Variants in TMEM132B observed in about 807,000 individuals in gnomAD.
The protein encoded by TMEM132B is transmembrane protein 132B.
A neutral mutation model predicts 90.8 loss-of-function variants in TMEM132B; 18 were observed. That is an observed-to-expected ratio of 0.20 (90% confidence interval 0.14 to 0.29). The LOEUF (loss-of-function observed/expected upper bound fraction) is 0.29. Ranked by LOEUF, TMEM132B falls within the 10% of genes least tolerant of loss-of-function variation. The pLI is 1.00. For synonymous variants in TMEM132B, 504 were observed against 523.3 expected, an observed-to-expected ratio of 0.96 and a Z score of 0.50; for missense variants, 1,096 against 1,326.8, an observed-to-expected ratio of 0.83 and a Z score of 2.70.
At chr12:125,386,374 G>T (rs1878833453) in intron 2 of TMEM132B, among the ~76,000 whole-genome samples, 1 of 152,226 alleles carries the variant, frequency 6.6e-6, no homozygotes, top group African/African-American at 2.4e-5. Flanking sequence ...GAGAAAAAGT[G>T]CCTGGTTACG....
chr12:125,483,797 C>T (rs1217589945), intron 3 of TMEM132B, among the ~76,000 whole-genome samples: 4 of 152,116 alleles, frequency 2.6e-5, no homozygotes, highest in Non-Finnish European at 4.4e-5. Flanking sequence ...AATATTGACT[C>T]GTTTCTCAAT....
At chr12:125,195,334 G>A (rs1282878985) in intron 1 of TMEM132B, among the ~76,000 whole-genome samples, 1 of 151,504 alleles carries the variant, frequency 6.6e-6, no homozygotes, top group Non-Finnish European at 1.5e-5. Context: ...CTGGTGGTCT[G>A]TGCTGTGGAG....
Position 125,407,159 on chromosome 12 carries a change from A to G in TMEM132B, c.960-8372A>G, listed in dbSNP as rs1426908250. ...GGCCCAAGCCTCCCTACTATAAATCATATTGAAGCACAGATTATCTGGCAT... is the reference window on the plus strand; with the variant it reads ...GGCCCAAGCCTCCCTACTATAAATCGTATTGAAGCACAGATTATCTGGCAT... On this transcript the variant is annotated intron_variant, in intron 2 of 8. Transcript: ENST00000682704. This position sits in a 1 kb window ranked among gnomAD's most constrained non-coding sequence, Gnocchi z 6.7. Among the ~76,000 whole-genome samples, 1 of 152,208 alleles carries G rather than the reference A, an allele frequency of 6.6e-6. No homozygotes were observed. Among genetic ancestry groups the G allele is most frequent in the African/African-American group, 2.4e-5 (1 of 41,454 alleles).
At chr12:125,226,893 T>G (rs1873692790) in intron 1 of TMEM132B, among the ~76,000 whole-genome samples, 1 of 152,254 alleles carries the variant, frequency 6.6e-6, no homozygotes, top group South Asian at 2.1e-4. Flanking sequence ...AACGCCTAGC[T>G]GTGCCTAGTG....
In TMEM132B at chr12:125,218,021, T is replaced by C. The variant is rs1418549132; in HGVS notation, c.67+31155T>C. 2.6e-5 allele frequency among the ~76,000 whole-genome samples: 4 copies of C among 152,200 alleles called. No homozygotes were observed. The East Asian group carries it at 7.7e-4, about 29-fold the overall frequency. ...TGAGGCGGGCCAATTTTAAGGGAGA[T>C]GGAACTGTAAGATGTGCTTTTAATG... On this transcript the variant is annotated intron_variant, in intron 1 of 8. Coordinates refer to ENST00000682704, the MANE Select transcript of TMEM132B (RefSeq NM_001366854.1).
chr12:125,313,930 C>T (rs1876186210), intron 1 of TMEM132B, among the ~76,000 whole-genome samples: 1 of 151,840 alleles, frequency 6.6e-6, no homozygotes, highest in Admixed American at 6.6e-5. Context: ...AGTGTCTGGC[C>T]AGCCGTCCTC....
rs1882622881 is a variant in TMEM132B, at chr12:125,498,829, C to A, written c.1107-20610C>A. On this transcript the variant is annotated intron_variant, in intron 3 of 8. Transcript: ENST00000682704. The surrounding 1 kb of genome is among the most constrained non-coding windows in gnomAD (Gnocchi z 4.5). ...GAGCTTCTGGCACAGTCTTCCATTGCTTTCATTTCTAGTAAATCAGGTCTC... is the reference window on the plus strand; with the variant it reads ...GAGCTTCTGGCACAGTCTTCCATTGATTTCATTTCTAGTAAATCAGGTCTC... Among the ~76,000 whole-genome samples the A allele has an allele frequency of 6.6e-6, 1 of 152,244 alleles. No homozygotes were observed. Among genetic ancestry groups the A allele is most frequent in the African/African-American group, 2.4e-5 (1 of 41,470 alleles).
chr12:125,310,635 C>G (rs1593078975), intron 1 of TMEM132B, among the ~76,000 whole-genome samples: 3 of 152,294 alleles, frequency 2.0e-5, no homozygotes, highest in African/African-American at 7.2e-5. Flanking sequence ...CACGGGTCCC[C>G]CGTGGGGCTG....
chr12:125,249,164 A>T (rs1032119837), intron 1 of TMEM132B, among the ~76,000 whole-genome samples: 3 of 152,200 alleles, frequency 2.0e-5, no homozygotes, highest in African/African-American at 7.2e-5. Context: ...CAGACAAGTG[A>T]CAGCTCAGAG....
At chr12:125,533,584 C>T (rs367640424) in intron 4 of TMEM132B, among the ~76,000 whole-genome samples, 2 of 152,368 alleles carry the variant, frequency 1.3e-5, no homozygotes, top group South Asian at 4.1e-4. Context: ...GCATCCGCCT[C>T]TCCTCCGGGG....
intron 5 of TMEM132B, among the ~76,000 whole-genome samples, chr12:125,643,819 T>A (rs528678471): frequency 6.6e-6 from 1 of 152,318 alleles, no homozygotes; most frequent in South Asian, 2.1e-4. Flanking sequence ...CAACAGAGGT[T>A]ATATAACTCC....
At chr12:125,469,559 A>G (rs1261030306) in intron 3 of TMEM132B, among the ~76,000 whole-genome samples, 2 of 152,088 alleles carry the variant, frequency 1.3e-5, no homozygotes, top group Non-Finnish European at 2.9e-5. Context: ...GGCCAGTGAG[A>G]AGTAGAGGAC....
intron 5 of TMEM132B, 51 bp downstream of exon 5, chr12:125,584,045 G>C (rs567688024): frequency 1.2e-6 from 2 of 1,612,292 alleles, no homozygotes; most frequent in Admixed American, 1.7e-5. Flanking sequence ...GCTTTTTGTC[G>C]TTCCTTCTTT....
At chr12:125,394,321 C>G (rs1879111596) in intron 2 of TMEM132B, among the ~76,000 whole-genome samples, 1 of 152,204 alleles carries the variant, frequency 6.6e-6, no homozygotes, top group Non-Finnish European at 1.5e-5. Flanking sequence ...TGGACTTCTT[C>G]TAACAATAGA....
rs548887631 is a variant in TMEM132B at position 125,536,701 on chromosome 12, C to T, written c.1293+17076C>T. On this transcript the variant is annotated intron_variant, in intron 4 of 8. Coordinates refer to ENST00000682704, the MANE Select transcript of TMEM132B (RefSeq NM_001366854.1). ...GGATCATTTGAAAATAACCAAATCA[C>T]GCTGTGGGCAAAACCTTATATCCAT... Among the ~76,000 whole-genome samples, 8 of 152,300 alleles carry T rather than the reference C, an allele frequency of 5.3e-5. No homozygotes were observed. The East Asian group carries it at 5.8e-4, about 11-fold the overall frequency.
intron 1 of TMEM132B, among the ~76,000 whole-genome samples, chr12:125,267,262 G>C (rs1874718048): frequency 6.6e-6 from 1 of 152,098 alleles, no homozygotes; most frequent in African/African-American, 2.4e-5. Context: ...TCATGATTGG[G>C]GTTGCCTCAT....
intron 3 of TMEM132B, among the ~76,000 whole-genome samples, chr12:125,497,431 T>C (rs1472648192): frequency 6.6e-6 from 1 of 152,234 alleles, no homozygotes; most frequent in African/African-American, 2.4e-5. Context: ...GGGGCTTTCC[T>C]GTCTACATCA....
At chr12:125,250,409 C>T (rs976458878) in intron 1 of TMEM132B, among the ~76,000 whole-genome samples, 4 of 152,256 alleles carry the variant, frequency 2.6e-5, no homozygotes, top group African/African-American at 7.2e-5. Context: ...GATTCTTTGA[C>T]GCCCTCGTGT....
chr12:125,263,750 G>A (rs1280530811), intron 1 of TMEM132B, among the ~76,000 whole-genome samples: 1 of 152,226 alleles, frequency 6.6e-6, no homozygotes, highest in Admixed American at 6.5e-5. Context: ...TTTGGTGCAA[G>A]AGGTGGCCTG....
Sources: gnomAD v4.1 joint callset for allele counts (sites outside exome capture counted in the v4.1 genomes callset) on GRCh38, gnomAD v4.1.1 for gene constraint, Gnocchi (gnomAD v3.1) non-coding constraint, MANE v1.5 for transcripts, NCBI Gene and HGNC (gene_info 2026-07-23, HGNC 2026-07-21) for gene names.